The following PTPRQ variants were observed in gnomAD, a reference collection of about 807,000 sequenced individuals.
PTPRQ encodes protein tyrosine phosphatase receptor type Q, also known as phosphatidylinositol phosphatase PTPRQ.
A neutral mutation model predicts 246.0 loss-of-function variants in PTPRQ; 199 were observed. The observed-to-expected ratio is 0.81, with a 90% CI of 0.72 to 0.91. PTPRQ has a LOEUF of 0.91. Ranked by LOEUF, PTPRQ falls within the 40% of genes least tolerant of loss-of-function variation. The pLI, the probability that PTPRQ is intolerant of heterozygous loss-of-function variation, is 0.00. For synonymous variants in PTPRQ, 869 were observed against 853.2 expected, an observed-to-expected ratio of 1.02 and a Z score of -0.32; for missense variants, 2,624 against 2,528.4, an observed-to-expected ratio of 1.04 and a Z score of -0.81.
intron 17 of PTPRQ, among the ~76,000 whole-genome samples, chr12:80,522,379 G>A (rs992821325): frequency 1.3e-5 from 2 of 152,080 alleles, no homozygotes; most frequent in African/African-American, 2.4e-5. Flanking sequence ...AATCGACCTG[G>A]CCAGAACTTC....
chr12:80,620,021 T>G, intron 31 of PTPRQ, 133 bp from the exon 32 acceptor site: 1 of 1,144,974 alleles, frequency 8.7e-7, no homozygotes, highest in East Asian at 2.7e-5. Context: ...TACAGGTGGA[T>G]CACTTGAATT....
chr12:80,659,205 G>A (rs995273568), intron 39 of PTPRQ, among the ~76,000 whole-genome samples: 1 of 151,894 alleles, frequency 6.6e-6, no homozygotes, highest in Admixed American at 6.6e-5. Flanking sequence ...AGAATTACAT[G>A]AATTTACTAT....
intron 35 of PTPRQ, among the ~76,000 whole-genome samples, chr12:80,636,926 C>A (rs181567376): frequency 1.2e-3 from 184 of 152,076 alleles, no homozygotes; most frequent in African/African-American, 4.3e-3. Flanking sequence ...CACAGCTTGC[C>A]CCTTTCTCTA....
intron 8 of PTPRQ, among the ~76,000 whole-genome samples, chr12:80,481,595 G>A (rs909631151): frequency 6.6e-6 from 1 of 152,104 alleles, no homozygotes; most frequent in African/African-American, 2.4e-5. Context: ...GTCCCTGCTT[G>A]CAGATGACAT....
In PTPRQ at chr12:80,460,496, T is replaced by C. The variant is rs1363053887; in HGVS notation, c.661-157T>C. On this transcript the variant is annotated intron_variant, in intron 5 of 44. Coordinates refer to ENST00000644991, the MANE Select transcript of PTPRQ (RefSeq NM_001145026.2). The stretch of plus-strand genomic sequence containing the variant: ...CCTCTTCTAAAACTGCAGACATAAA[T>C]GGGTACAATTAAAATCTAGCAAATT... Among the ~76,000 whole-genome samples the C allele has an allele frequency of 2.6e-5, 4 of 152,186 alleles. No homozygotes were observed. In the East Asian group the frequency reaches 7.7e-4, roughly 29 times the overall value.
In PTPRQ at chr12:80,488,091, A is replaced by G. The variant is rs12313038; in HGVS notation, c.1359+3486A>G. On this transcript the variant is annotated intron_variant, in intron 9 of 44. Coordinates refer to ENST00000644991, the MANE Select transcript of PTPRQ (RefSeq NM_001145026.2). Reference sequence around the variant, plus strand: ...GGCTGGAGAATCCCCTTAGTGCCTTACAGTTGTTTTTTTTTTTGTCCCATG... The same window carrying G: ...GGCTGGAGAATCCCCTTAGTGCCTTGCAGTTGTTTTTTTTTTTGTCCCATG... 8.5e-3 allele frequency among the ~76,000 whole-genome samples: 1,234 copies of G among 144,382 alleles called. 16 individuals are homozygous for G. The highest frequency in any genetic ancestry group is 0.03 in the African/African-American group (1,176 of 38,808). 94.7% of individuals were successfully genotyped at this position (144,382 alleles called of 152,430 possible).
chr12:80,602,269 A>G (rs977271862), intron 26 of PTPRQ, among the ~76,000 whole-genome samples: 1 of 151,734 alleles, frequency 6.6e-6, no homozygotes, highest in African/African-American at 2.4e-5. Context: ...TTATTAAAAT[A>G]TTTTTGGATT....
At chr12:80,632,333 CATTAT>C in intron 34 of PTPRQ, 42 bp downstream of exon 34, 2 of 1,549,954 alleles carry the variant, frequency 1.3e-6, no homozygotes, top group Non-Finnish European at 1.7e-6. Flanking sequence ...GCTTTATGGG[CATTAT>C]ATCAGTCATA....
chr12:80,632,432 C>A, intron 34 of PTPRQ, 141 bp downstream of exon 34: 1 of 1,245,926 alleles, frequency 8.0e-7, no homozygotes. Flanking sequence ...ATGTATTTAT[C>A]ATGTACAATA....
At position 80,459,482 on chromosome 12, in the gene PTPRQ, A is replaced by G; in HGVS notation, c.659A>G (p.Asn220Ser). The G allele has an allele frequency of 2.5e-6, 1 of 398,436 alleles. No homozygotes were observed. Among genetic ancestry groups the G allele is most frequent in the Non-Finnish European group, 4.4e-6 (1 of 225,924 alleles). 24.7% of individuals were successfully genotyped at this position (398,436 alleles called of 1,614,324 possible). Residue 220 changes from asparagine to serine, a missense_variant and splice_region_variant, in exon 5 of 45, where the codon AAT (asparagine) becomes AGT (serine). Coordinates refer to ENST00000644991, the MANE Select transcript of PTPRQ (RefSeq NM_001145026.2). ...DILTGKLPECNENSESFLWST... is the reference protein window; with the variant it reads ...DILTGKLPECSENSESFLWST... ...TTGACTGGGAAATTGCCAGAATGCA[A>G]TGTAAGTATCACAGAACACTTTCTA...
chr12:80,610,853 AT>A, intron 28 of PTPRQ, among the ~76,000 whole-genome samples: 1 of 150,622 alleles, frequency 6.6e-6, no homozygotes, highest in South Asian at 2.1e-4. Context: ...TACAGCAACA[AT>A]TAAAGGTATC....
At chr12:80,546,962 A>C in intron 24 of PTPRQ, 1 of 282,924 alleles carries the variant, frequency 3.5e-6, no homozygotes, top group Non-Finnish European at 6.4e-6. Context: ...AGCCTTCTAG[A>C]TATCTGTGAA....
At chr12:80,504,942 A>C (rs1894908495) in intron 14 of PTPRQ, among the ~76,000 whole-genome samples, 1 of 151,906 alleles carries the variant, frequency 6.6e-6, no homozygotes, top group Non-Finnish European at 1.5e-5. Context: ...TGAATGCATC[A>C]CATTGCACAA....
chr12:80,610,672 T>G lies in PTPRQ; in HGVS notation c.4918+47T>G, dbSNP rs1441915057. 2.0e-6 allele frequency: 3 copies of G among 1,533,050 alleles called. No homozygotes were observed. In the African/African-American group the frequency reaches 4.2e-5, roughly 21 times the overall value. 95.0% of individuals were successfully genotyped at this position (1,533,050 alleles called of 1,614,324 possible). On this transcript the variant is annotated intron_variant, in intron 28 of 44. Coordinates refer to ENST00000644991, the MANE Select transcript of PTPRQ (RefSeq NM_001145026.2). Reference sequence around the variant, plus strand: ...TGCTAAAAATTGACTGAGATTTAGCTGGCTTTCTTACAGTTCATCATACTC... The same window carrying G: ...TGCTAAAAATTGACTGAGATTTAGCGGGCTTTCTTACAGTTCATCATACTC...
chr12:80,517,050 G>A (rs1242297903), intron 17 of PTPRQ, among the ~76,000 whole-genome samples: 1 of 152,106 alleles, frequency 6.6e-6, no homozygotes, highest in Non-Finnish European at 1.5e-5. Flanking sequence ...TCTGACCAAT[G>A]TTCTCTCTCA....
At chr12:80,466,222 A>G (rs999216778) in intron 6 of PTPRQ, among the ~76,000 whole-genome samples, 1 of 152,194 alleles carries the variant, frequency 6.6e-6, no homozygotes, top group Admixed American at 6.5e-5. Flanking sequence ...ACAGACAAAC[A>G]GAGAGCCAAA....
At chr12:80,501,620 G>GTC (rs958020739) in intron 14 of PTPRQ, among the ~76,000 whole-genome samples, 43 of 151,960 alleles carry the variant, frequency 2.8e-4, no homozygotes, top group African/African-American at 9.2e-4. Context: ...AGGGGGAGAC[G>GTC]TTAAGAAGCT....
chr12:80,520,708 G>T (rs1203510591), intron 17 of PTPRQ, among the ~76,000 whole-genome samples: 1 of 152,130 alleles, frequency 6.6e-6, no homozygotes, highest in East Asian at 1.9e-4. Flanking sequence ...TTTTATGGCT[G>T]CATAGTATTC....
chr12:80,501,662 G>C (rs1335209982), intron 14 of PTPRQ, among the ~76,000 whole-genome samples: 4 of 151,938 alleles, frequency 2.6e-5, no homozygotes, highest in Non-Finnish European at 5.9e-5. Flanking sequence ...ACCACACATA[G>C]ACTTTGAGAA....
Sources: allele counts gnomAD v4.1 joint callset (sites outside exome capture counted in the v4.1 genomes callset), GRCh38; gene constraint gnomAD v4.1.1; transcripts MANE v1.5; gene names NCBI Gene and HGNC (gene_info 2026-07-23, HGNC 2026-07-21).